JAKMIP3: variants seen among roughly 807,000 people sequenced by gnomAD.
JAKMIP3 encodes the protein janus kinase and microtubule-interacting protein 3.
Under a neutral mutation model 118.5 loss-of-function variants are expected in JAKMIP3, and 58 were observed. That is an observed-to-expected ratio of 0.49 (90% CI 0.40 to 0.61). JAKMIP3 has a LOEUF of 0.61. Ranked by LOEUF, JAKMIP3 falls within the 20% of genes least tolerant of loss-of-function variation. The pLI, the probability that JAKMIP3 is intolerant of heterozygous loss-of-function variation, is 0.00. For missense variants in JAKMIP3, 950 were observed against 1,109.0 expected, an observed-to-expected ratio of 0.86 and a Z score of 2.04; for synonymous variants, 486 against 451.2, an observed-to-expected ratio of 1.08 and a Z score of -0.98.
At chr10:132,134,859 G>A (rs878977059) in intron 4 of JAKMIP3, among the ~76,000 whole-genome samples, 182 bp from the exon 5 acceptor site, 1 of 152,226 alleles carries the variant, frequency 6.6e-6, no homozygotes, top group African/African-American at 2.4e-5. Flanking sequence ...ACGCGGTTGC[G>A]GCAACCACAG....
intron 1 of JAKMIP3, among the ~76,000 whole-genome samples, chr10:132,041,125 A>G (rs1011673757): frequency 1.3e-5 from 2 of 152,074 alleles, no homozygotes; most frequent in African/African-American, 2.4e-5. Context: ...GTGTGATCTC[A>G]GCTCACTGCA....
chr10:132,103,001 G>A (rs572570403), intron 1 of JAKMIP3, among the ~76,000 whole-genome samples: 83 of 151,318 alleles, frequency 5.5e-4, no homozygotes, highest in African/African-American at 1.3e-3. Flanking sequence ...AGATGGGGGC[G>A]TGGGGTGGGC....
In JAKMIP3 at chr10:132,184,422, T is replaced by A. The variant is rs369096822; in HGVS notation, c.*3169T>A. The A allele has an allele frequency of 2.4e-4, 37 of 152,178 alleles. No individual in the cohort carries two copies. The East Asian group carries it at 2.9e-3, about 12-fold the overall frequency. 9.4% of individuals were successfully genotyped at this position (152,178 alleles called of 1,614,324 possible). ...CCATCCTTGAAACCCTGAGAGAGAGTGTGTGTTTTATCACAGTAATGGAAT... is the reference window on the plus strand; with the variant it reads ...CCATCCTTGAAACCCTGAGAGAGAGAGTGTGTTTTATCACAGTAATGGAAT... On this transcript the variant is annotated 3_prime_UTR_variant, in exon 24 of 24. Coordinates refer to ENST00000684848, the MANE Select transcript of JAKMIP3 (RefSeq NM_001323087.2).
chr10:132,105,015 C>A, intron 2 of JAKMIP3, 72 bp downstream of exon 2: 2 of 1,515,898 alleles, frequency 1.3e-6, no homozygotes, highest in Non-Finnish European at 1.8e-6. Flanking sequence ...GAGGCTCTTC[C>A]TGGAGTGGGT....
chr10:132,148,083 T>A (rs1309239126), intron 14 of JAKMIP3, 33 bp downstream of exon 14: 4 of 1,416,442 alleles, frequency 2.8e-6, no homozygotes, highest in Non-Finnish European at 3.9e-6. Context: ...CTGTGGCCTG[T>A]GGCTGTGTCA....
intron 1 of JAKMIP3, among the ~76,000 whole-genome samples, chr10:132,087,208 C>T (rs937367891): frequency 8.5e-5 from 13 of 152,306 alleles, no homozygotes; most frequent in South Asian, 4.1e-4. Context: ...CTAGCTTGTA[C>T]GGTTTCTGCT....
At chr10:132,047,890 G>T (rs2037972744) in intron 1 of JAKMIP3, among the ~76,000 whole-genome samples, 1 of 150,476 alleles carries the variant, frequency 6.6e-6, no homozygotes, top group Non-Finnish European at 1.5e-5. Flanking sequence ...CGCCCCCCGC[G>T]AGCTGACGGT....
intron 19 of JAKMIP3, among the ~76,000 whole-genome samples, chr10:132,155,223 G>GTGA (rs748396108): frequency 2.0e-5 from 3 of 150,280 alleles, no homozygotes; most frequent in African/African-American, 4.9e-5. Context: ...AATGATGATG[G>GTGA]TGATGATGGT....
chr10:132,094,817 T>C (rs1042520581), intron 1 of JAKMIP3, among the ~76,000 whole-genome samples: 1 of 152,100 alleles, frequency 6.6e-6, no homozygotes, highest in African/African-American at 2.4e-5. Context: ...GCCTTTTGTC[T>C]TCAGCTACCA....
chr10:132,036,667 C>CCCGCCCG (rs987546580), upstream of JAKMIP3, among the ~76,000 whole-genome samples: 11 of 150,462 alleles, frequency 7.3e-5, 1 homozygote, highest in East Asian at 1.9e-4. Flanking sequence ...GACGCGCGCC[C>CCCGCCCG]CCGCCCGCCG....
At chr10:132,153,725 G>T in intron 17 of JAKMIP3, 34 bp from the exon 18 acceptor site, 1 of 1,609,596 alleles carries the variant, frequency 6.2e-7, no homozygotes, top group Non-Finnish European at 8.5e-7. Flanking sequence ...GGGACCCTAG[G>T]GGTCACTGTC....
At chr10:132,138,217 G>T in intron 9 of JAKMIP3, 39 bp downstream of exon 9, 3 of 1,551,950 alleles carry the variant, frequency 1.9e-6, no homozygotes, top group East Asian at 2.3e-5. Context: ...AGAGTACGCC[G>T]GGTGTGTGCG....
At chr10:132,060,074 C>T (rs547177385), upstream of JAKMIP3, among the ~76,000 whole-genome samples, 3 of 152,314 alleles carry the variant, frequency 2.0e-5, no homozygotes, top group South Asian at 6.2e-4. Context: ...TGCGAAGACC[C>T]TGGCATAGAG....
intron 1 of JAKMIP3, among the ~76,000 whole-genome samples, chr10:132,047,283 A>C (rs920856968): frequency 6.6e-5 from 10 of 152,320 alleles, no homozygotes; most frequent in Admixed American, 1.3e-4. Context: ...GGCATTGGCT[A>C]TCCATAGCTA....
intron 19 of JAKMIP3, among the ~76,000 whole-genome samples, chr10:132,159,744 GGGGGGGCCTCTTCCTGTGTGATACT>G (rs2057755681): frequency 5.9e-5 from 4 of 67,316 alleles, no homozygotes; most frequent in Non-Finnish European, 8.7e-5. Flanking sequence ...GTGTGATACT[GGGGGGGCCTCTTCCTGTGTGATACT>G]GGGGGGTCTC....
At chr10:132,116,229 T>C (rs1252738708) in intron 2 of JAKMIP3, among the ~76,000 whole-genome samples, 1 of 152,260 alleles carries the variant, frequency 6.6e-6, no homozygotes, top group Non-Finnish European at 1.5e-5. Context: ...GCGTTACAGA[T>C]TCCGGTGGGT....
At chr10:132,115,269 G>A (rs556608747) in intron 2 of JAKMIP3, among the ~76,000 whole-genome samples, 70 of 140,340 alleles carry the variant, frequency 5.0e-4, no homozygotes, top group Non-Finnish European at 9.1e-4. Flanking sequence ...GGGTCACCGC[G>A]ATCGCGGCTA....
At chr10:132,093,783 A>G (rs2043440466) in intron 1 of JAKMIP3, among the ~76,000 whole-genome samples, 1 of 152,156 alleles carries the variant, frequency 6.6e-6, no homozygotes, top group Admixed American at 6.5e-5. Context: ...AGATGAACCC[A>G]GTACCTCAGT....
chr10:132,172,151 C>T (rs935425462), intron 23 of JAKMIP3, among the ~76,000 whole-genome samples: 2 of 152,134 alleles, frequency 1.3e-5, no homozygotes, highest in Admixed American at 1.3e-4. Flanking sequence ...TTGGCCTCGA[C>T]GCTTGGATAA....
Sources: gnomAD v4.1 joint callset for allele counts (sites outside exome capture counted in the v4.1 genomes callset) on GRCh38, gnomAD v4.1.1 for gene constraint, MANE v1.5 for transcripts, NCBI Gene and HGNC (gene_info 2026-07-23, HGNC 2026-07-21) for gene names.